The following XXYLT1 variants were observed in gnomAD, a reference collection of about 807,000 sequenced individuals.
The protein encoded by XXYLT1 is UDP-xylose:alpha-xyloside alpha-1,3-xylosyltransferase.
Under a neutral mutation model 28.9 loss-of-function variants are expected in XXYLT1, and 20 were observed. That is an observed-to-expected ratio of 0.69 (90% CI 0.49 to 1.00). The LOEUF is 1.00. Ranked by LOEUF, XXYLT1 falls within the 50% of genes least tolerant of loss-of-function variation. The pLI is 0.00. For missense variants in XXYLT1, 542 were observed against 560.1 expected (o/e 0.97, Z 0.33); for synonymous variants, 257 against 253.8 (o/e 1.01, Z -0.12).
At chr3:195,087,741 C>CT (rs1280568834) in intron 3 of XXYLT1, among the ~76,000 whole-genome samples, 1 of 152,152 alleles carries the variant, frequency 6.6e-6, no homozygotes, top group Admixed American at 6.5e-5. Flanking sequence ...ACGCAGAAGA[C>CT]GGTGATTTCT....
chr3:195,109,124 A>T (rs1717310859), intron 3 of XXYLT1, among the ~76,000 whole-genome samples: 1 of 152,174 alleles, frequency 6.6e-6, no homozygotes, highest in African/African-American at 2.4e-5. Flanking sequence ...CTACCCCCAA[A>T]ATTCATGCTC....
intron 2 of XXYLT1, among the ~76,000 whole-genome samples, chr3:195,193,295 A>T (rs976310277): frequency 6.6e-6 from 1 of 152,068 alleles, no homozygotes; most frequent in African/African-American, 2.4e-5. Flanking sequence ...CTAAAAAAAA[A>T]AAAAAAGCCA....
chr3:195,132,247 T>C (rs892023473), intron 3 of XXYLT1, among the ~76,000 whole-genome samples: 1 of 152,212 alleles, frequency 6.6e-6, no homozygotes, highest in African/African-American at 2.4e-5. Context: ...TTTATGGAGT[T>C]GGGATAATTA....
At position 195,256,465 on chromosome 3, in the gene XXYLT1, C is replaced by G; in HGVS notation, c.504+14090G>C. The G allele has an allele frequency of 1.0e-6, 1 of 985,236 alleles. No homozygotes were observed. The highest frequency in any genetic ancestry group is 1.2e-6 in the Non-Finnish European group (1 of 829,784). The allele number at this position is 985,236 out of a possible 1,614,324, so 61.0% of individuals were successfully genotyped here. On this transcript the variant is annotated intron_variant, in intron 1 of 3. Coordinates refer to ENST00000310380, the MANE Select transcript of XXYLT1 (RefSeq NM_152531.5). This position sits in a 1 kb window ranked among gnomAD's most constrained non-coding sequence, Gnocchi z 4.2. ...CAGGGCCCGAGAAACGAACCAGTAC[C>G]TCCCAGAGGACGGAAGGGAAGTCAG...
rs987278164 is a variant in XXYLT1, at chr3:195,109,543, AG to A, written c.786-39433del. 7.1e-5 allele frequency among the ~76,000 whole-genome samples: 5 copies of A among 70,456 alleles called. No individual in the cohort carries two copies. The East Asian group carries it at 1.1e-3, about 16-fold the overall frequency. 46.2% of individuals were successfully genotyped at this position (70,456 alleles called of 152,430 possible). Reference sequence around the variant, plus strand: ...GTGCATGTGTGTGGTGTACATGTGTAGGGGGTGTGTGTGTGCATGGTGTGTG... The same window carrying A: ...GTGCATGTGTGTGGTGTACATGTGTAGGGGTGTGTGTGTGCATGGTGTGTG... On this transcript the variant is annotated intron_variant, in intron 3 of 3. Coordinates refer to ENST00000310380, the MANE Select transcript of XXYLT1 (RefSeq NM_152531.5).
intron 3 of XXYLT1, among the ~76,000 whole-genome samples, chr3:195,143,803 TAG>T (rs1295938194): frequency 0.022 from 1,847 of 83,890 alleles, 99 homozygotes; most frequent in African/African-American, 0.072. Flanking sequence ...TATATATAGA[TAG>T]ATATATATAG....
chr3:195,252,311 T>A (rs1182178175), intron 1 of XXYLT1, among the ~76,000 whole-genome samples: 2 of 152,228 alleles, frequency 1.3e-5, no homozygotes, highest in Non-Finnish European at 2.9e-5. Context: ...TAGCTACGTC[T>A]ATAATATTTT....
chr3:195,243,360 A>T (rs1022010498), intron 1 of XXYLT1, among the ~76,000 whole-genome samples: 4 of 137,804 alleles, frequency 2.9e-5, no homozygotes, highest in African/African-American at 5.7e-5. Flanking sequence ...AAAGTATAAT[A>T]AAAAAAAAAA....
intron 3 of XXYLT1, among the ~76,000 whole-genome samples, chr3:195,135,580 T>C (rs114813150): frequency 0.017 from 2,555 of 152,224 alleles, 73 homozygotes; most frequent in African/African-American, 0.058. Context: ...ACACAGTCCC[T>C]AGGCCTCAGC....
At chr3:195,109,075 G>A (rs1442103330) in intron 3 of XXYLT1, among the ~76,000 whole-genome samples, 7 of 152,226 alleles carry the variant, frequency 4.6e-5, no homozygotes, top group African/African-American at 1.4e-4. Context: ...AAGTGAACTC[G>A]AAAGGGGCAG....
intron 3 of XXYLT1, among the ~76,000 whole-genome samples, chr3:195,071,238 C>G (rs1022385921): frequency 7.2e-5 from 11 of 152,170 alleles, no homozygotes; most frequent in African/African-American, 2.7e-4. Context: ...GAGGACACAT[C>G]GTGGCAGAAC....
intron 3 of XXYLT1, among the ~76,000 whole-genome samples, chr3:195,095,091 T>C (rs528040565): frequency 2.0e-5 from 3 of 152,264 alleles, no homozygotes; most frequent in African/African-American, 7.2e-5. Flanking sequence ...GGCCACACTT[T>C]TGAGTAGTGA....
chr3:195,175,518 C>A, intron 2 of XXYLT1: 1 of 1,481,902 alleles, frequency 6.7e-7, no homozygotes, highest in Non-Finnish European at 9.0e-7. Flanking sequence ...GACTTTGCTG[C>A]ACCCATGGGC....
chr3:195,243,504 T>G (rs1296773105), intron 1 of XXYLT1, among the ~76,000 whole-genome samples: 1 of 152,082 alleles, frequency 6.6e-6, no homozygotes, highest in African/African-American at 2.4e-5. Context: ...AATCTAAAAT[T>G]TATGTCTGAA....
intron 2 of XXYLT1, chr3:195,207,614 C>G (rs970097396): frequency 3.0e-6 from 1 of 331,902 alleles, no homozygotes; most frequent in Admixed American, 3.9e-5. Flanking sequence ...GTGCTGAGAT[C>G]CCCTTGTATC....
At chr3:195,203,247 C>T (rs1052818223) in intron 2 of XXYLT1, among the ~76,000 whole-genome samples, 3 of 152,104 alleles carry the variant, frequency 2.0e-5, no homozygotes, top group Admixed American at 2.0e-4. Context: ...TAAACATCAA[C>T]AACCCAATAG....
At chr3:195,164,226 G>A (rs1181631594) in intron 2 of XXYLT1, among the ~76,000 whole-genome samples, 1 of 152,230 alleles carries the variant, frequency 6.6e-6, no homozygotes, top group East Asian at 1.9e-4. Context: ...ACGGTCACAT[G>A]GTCACTAGTG....
intron 1 of XXYLT1, among the ~76,000 whole-genome samples, chr3:195,263,331 G>A (rs954269223): frequency 6.6e-6 from 1 of 152,168 alleles, no homozygotes; most frequent in Admixed American, 6.5e-5. Context: ...GGTTTAAAGG[G>A]TGTCCCCTGG....
rs886883319 is a variant in XXYLT1 at position 195,082,837 on chromosome 3, A to G, written c.786-12726T>C. 2.0e-5 allele frequency among the ~76,000 whole-genome samples: 3 copies of G among 152,162 alleles called. No homozygotes were observed. The East Asian group carries it at 5.8e-4, about 29-fold the overall frequency. On this transcript the variant is annotated intron_variant, in intron 3 of 3. Transcript: ENST00000310380. ...AACAGAGTGAAACTCCATCTCAAAAAAAAAAAGAAGGACCTCTCCCAAACT... is the reference window on the plus strand; with the variant it reads ...AACAGAGTGAAACTCCATCTCAAAAGAAAAAAGAAGGACCTCTCCCAAACT...
Sources: allele counts gnomAD v4.1 joint callset (sites outside exome capture counted in the v4.1 genomes callset), GRCh38; gene constraint gnomAD v4.1.1; non-coding constraint Gnocchi (gnomAD v3.1); transcripts MANE v1.5; gene names NCBI Gene and HGNC (gene_info 2026-07-23, HGNC 2026-07-21).